The following ZNF596 variants were observed in gnomAD, a reference collection of about 807,000 sequenced individuals.
ZNF596 encodes the protein zinc finger protein 596.
A neutral mutation model predicts 48.3 loss-of-function variants in ZNF596; 45 were observed. The observed-to-expected ratio is 0.93, with a 90% CI of 0.73 to 1.19. ZNF596 has a LOEUF of 1.19. ZNF596 is among the 50% of genes most tolerant of loss of function. ZNF596 has a pLI of 0.00. For synonymous variants in ZNF596, 270 were observed against 202.0 expected (o/e 1.34, Z -2.85); for missense variants, 848 against 599.7 (o/e 1.41, Z -4.32).
chr8:238,842 T>C (rs1161694348), intron 1 of ZNF596, among the ~76,000 whole-genome samples: 1 of 151,874 alleles, frequency 6.6e-6, no homozygotes, highest in African/African-American at 2.4e-5. Flanking sequence ...TTTCTGATTT[T>C]CCTGATAAGA....
In ZNF596 at chr8:245,647, G is replaced by A. The variant is rs772481097; in HGVS notation, c.800G>A (p.Arg267Lys). Reference sequence around the variant, plus strand: ...GCCTTCAGTAAAAGTTCTAACCTTAGACGACATGAGATGATTCACACTAGA... The same window carrying A: ...GCCTTCAGTAAAAGTTCTAACCTTAAACGACATGAGATGATTCACACTAGA... ...GKAFSKSSNL[R>K]RHEMIHTREK... The change falls in exon 6 of 6, where the codon AGA becomes AAA. Residue 267 changes from arginine (R) to lysine (K), a missense_variant. Arg to Lys is a conservative substitution (Grantham distance 26). Transcript: ENST00000398612. 5 of 1,613,886 alleles carry A rather than the reference G, an allele frequency of 3.1e-6. No homozygotes were observed. The highest frequency in any genetic ancestry group is 1.3e-5 in the African/African-American group (1 of 74,934).
chr8:237,161 A>C (rs546543791), intron 1 of ZNF596: 32 of 152,180 alleles, frequency 2.1e-4, no homozygotes, highest in African/African-American at 7.2e-4. Context: ...TTAGATTTTA[A>C]ATTACTACTT....
In ZNF596 at chr8:245,548, A is replaced by G. The variant is rs781474108; in HGVS notation, c.701A>G (p.His234Arg). 1 of 1,614,126 alleles carries G rather than the reference A, an allele frequency of 6.2e-7. No homozygotes were observed. The highest frequency in any genetic ancestry group is 2.2e-5 in the East Asian group (1 of 44,868). Residue 234 changes from histidine (H) to arginine (R), a missense_variant, in exon 6 of 6, where the codon CAT (histidine) becomes CGT (arginine). By Grantham distance (29) the His-to-Arg change is conservative. Coordinates refer to ENST00000398612, the MANE Select transcript of ZNF596 (RefSeq NM_001042416.3). ...CATCTATGTGGGAAAGCCTTTACTC[A>G]TTGCTCTGATCTTCGAAAACATGAG... is the stretch of plus-strand genomic sequence containing the variant. ...GCHLCGKAFT[H>R]CSDLRKHERT...
chr8:243,660 G>A, intron 3 of ZNF596, 62 bp from the exon 4 acceptor site: 1 of 1,559,184 alleles, frequency 6.4e-7, no homozygotes, highest in Non-Finnish European at 8.8e-7. Context: ...CCCTGTATCT[G>A]ATAACCTTGT....
At position 244,624 on chromosome 8, in the gene ZNF596, G is replaced by C. The variant is rs753010723; in HGVS notation, c.229G>C (p.Glu77Gln). 6.2e-7 allele frequency: 1 copy of C among 1,606,274 alleles called. No individual in the cohort carries two copies. The highest frequency in any genetic ancestry group is 8.5e-7 in the Non-Finnish European group (1 of 1,175,620). Residue 77 changes from glutamate to glutamine, a missense_variant, in exon 5 of 6, where the codon GAA (glutamate) becomes CAA (glutamine). Transcript: ENST00000398612. ...TQRISLLQGR[E>Q]VGIKHQEIPF... ...TTTTTTTTCATTTATTTCAGGTAGAGAAGTTGGCATTAAACATCAAGAGAT... is the reference window on the plus strand; with the variant it reads ...TTTTTTTTCATTTATTTCAGGTAGACAAGTTGGCATTAAACATCAAGAGAT...
At chr8:233,285 G>C (rs1222631539) in intron 1 of ZNF596, 1 of 344,256 alleles carries the variant, frequency 2.9e-6, no homozygotes, top group East Asian at 8.3e-5. Flanking sequence ...CAGTAGCAGA[G>C]AGGGCAGCAG....
In ZNF596 at chr8:244,643, A is replaced by C. The variant is rs1006665838; in HGVS notation, c.248A>C (p.Gln83Pro). Reference protein sequence around the residue: ...LQGREVGIKHQEIPFIQHIYQ... With the variant: ...LQGREVGIKHPEIPFIQHIYQ... ...GGTAGAGAAGTTGGCATTAAACATC[A>C]AGAGATACCATTCATTCAACATATC... The change falls in exon 5 of 6, where the codon CAA becomes CCA. Residue 83 changes from glutamine (Q) to proline (P), a missense_variant. Gln to Pro is a moderately conservative substitution (Grantham distance 76). Coordinates refer to ENST00000398612, the MANE Select transcript of ZNF596 (RefSeq NM_001042416.3). 9 of 1,613,094 alleles carry C rather than the reference A, an allele frequency of 5.6e-6. No individual in the cohort carries two copies. The highest frequency in any genetic ancestry group is 7.6e-6 in the Non-Finnish European group (9 of 1,179,624).
chr8:240,782 G>A (rs377515370), intron 1 of ZNF596, 42 bp from the exon 2 acceptor site: 2 of 1,323,812 alleles, frequency 1.5e-6, no homozygotes, highest in East Asian at 4.6e-5. Flanking sequence ...AGCAAAACTG[G>A]AGTGTCATGG....
rs1465042140 is a variant in ZNF596 at position 246,185 on chromosome 8, A to G, written c.1338A>G (p.Pro446=). 6.2e-7 allele frequency: 1 copy of G among 1,614,180 alleles called. No homozygotes were observed. Among genetic ancestry groups the G allele is most frequent in the East Asian group, 2.2e-5 (1 of 44,876 alleles). Residue 446 remains proline (P), a synonymous_variant, in exon 6 of 6, where the codon CCA becomes CCG. Transcript: ENST00000398612. ...RHERTHTGEK[P]YECNICGKAF... is the part of the protein sequence containing the mutation. ...AGAGAACTCACACTGGAGAGAAACC[A>G]TATGAATGCAATATATGTGGTAAAG...
chr8:245,408 G>T lies in ZNF596; in HGVS notation c.561G>T (p.Val187=), dbSNP rs1260976675. The T allele has an allele frequency of 1.9e-6, 3 of 1,614,046 alleles. No homozygotes were observed. In the African/African-American group the frequency reaches 4.0e-5, roughly 22 times the overall value. The stretch of plus-strand genomic sequence containing the variant: ...ACTCTGCCCTTAGACCACACAGTGT[G>T]ACTCACACTAGAGAGATAACATTGG... ...IQNSALRPHS[V]THTREITLEC... Residue 187 remains valine, a synonymous_variant, in exon 6 of 6, where the codon GTG becomes GTT. Transcript: ENST00000398612.
chr8:240,874 A>G lies in ZNF596; in HGVS notation c.-22A>G. The G allele has an allele frequency of 6.2e-7, 1 of 1,614,018 alleles. No homozygotes were observed. Among genetic ancestry groups the G allele is most frequent in the Non-Finnish European group, 8.5e-7 (1 of 1,179,966 alleles). On this transcript the variant is annotated 5_prime_UTR_variant, in exon 2 of 6. Transcript: ENST00000398612. ...TGTGAGTGAAAACCCAGAGGAATAC[A>G]TTTGGTGGCTGAGCTAGTACAATGC...
At chr8:238,539 A>G (rs1392980952) in intron 1 of ZNF596, among the ~76,000 whole-genome samples, 2 of 149,978 alleles carry the variant, frequency 1.3e-5, no homozygotes, top group Non-Finnish European at 2.9e-5. Flanking sequence ...GGTGGCTCAC[A>G]CTTGTAATCA....
intron 1 of ZNF596, chr8:233,055 G>A (rs1309111555): frequency 8.5e-6 from 4 of 468,462 alleles, no homozygotes; most frequent in Non-Finnish European, 1.8e-5. Context: ...TCGAGGTGGG[G>A]CAGGAGAGTG....
chr8:240,671 C>T, intron 1 of ZNF596, 153 bp from the exon 2 acceptor site: 1 of 570,372 alleles, frequency 1.8e-6, no homozygotes, highest in Non-Finnish European at 3.1e-6. Flanking sequence ...GTCATTTCTT[C>T]TGACCCTGGG....
chr8:232,457 G>C lies in ZNF596; in HGVS notation c.-310G>C, dbSNP rs1298667101. On this transcript the variant is annotated 5_prime_UTR_variant, in exon 1 of 6. Coordinates refer to ENST00000398612, the MANE Select transcript of ZNF596 (RefSeq NM_001042416.3). ...TTTTGTGGCCAAACCCAGCCACGCAGTTCCCTTCCTGCGGCGTCCTCCACA... is the reference window on the plus strand; with the variant it reads ...TTTTGTGGCCAAACCCAGCCACGCACTTCCCTTCCTGCGGCGTCCTCCACA... 4 of 276,222 alleles carry C rather than the reference G, an allele frequency of 1.4e-5. No individual in the cohort carries two copies. Among genetic ancestry groups the C allele is most frequent in the Admixed American group, 5.4e-5 (1 of 18,536 alleles). 17.1% of individuals were successfully genotyped at this position (276,222 alleles called of 1,614,324 possible).
In ZNF596 at chr8:243,723, C is replaced by A. The variant is rs756932215; in HGVS notation, c.141C>A (p.Gly47=). 6.2e-7 allele frequency: 1 copy of A among 1,613,214 alleles called. No homozygotes were observed. Among genetic ancestry groups the A allele is most frequent in the East Asian group, 2.2e-5 (1 of 44,846 alleles). Residue 47 remains glycine (G), a splice_region_variant and synonymous_variant, in exon 4 of 6, where the codon GGC becomes GGA. Transcript: ENST00000398612. The stretch of plus-strand genomic sequence containing the variant: ...CATGTATCTTTTTCCCCAAAACAGG[C>A]AAACAGCTCTGCAAATCAGTTGTGC... The part of the protein sequence containing the change: ...LENISHLVSI[G]KQLCKSVVLS...
rs368193559 is a variant in ZNF596, at chr8:245,439, C to G, written c.592C>G (p.Arg198Gly). The G allele has an allele frequency of 1.2e-6, 2 of 1,614,150 alleles. No individual in the cohort carries two copies. Among genetic ancestry groups the G allele is most frequent in the Admixed American group, 1.7e-5 (1 of 60,022 alleles). Residue 198 changes from arginine (R) to glycine (G), a missense_variant, in exon 6 of 6, where the codon CGT becomes GGT. Coordinates refer to ENST00000398612, the MANE Select transcript of ZNF596 (RefSeq NM_001042416.3). ...THTREITLEC[R>G]VCGKTFSKNS... is the part of the protein sequence containing the mutation. ...CACTAGAGAGATAACATTGGAATGT[C>G]GTGTGTGTGGGAAAACCTTTAGCAA...
intron 5 of ZNF596, 79 bp downstream of exon 5, chr8:244,780 CCTG>C: frequency 8.7e-7 from 1 of 1,155,592 alleles, no homozygotes; most frequent in South Asian, 1.4e-5. Context: ...GGTACAGGTA[CCTG>C]ACTGTACTTA....
intron 1 of ZNF596, chr8:233,594 G>A (rs537872323): frequency 7.4e-4 from 115 of 155,686 alleles, no homozygotes; most frequent in Middle Eastern, 6.6e-3. Context: ...AGTTTTCTTT[G>A]TGCTGTTTTC....
Sources: allele counts gnomAD v4.1 joint callset (sites outside exome capture counted in the v4.1 genomes callset), GRCh38; gene constraint gnomAD v4.1.1; transcripts MANE v1.5; gene names NCBI Gene and HGNC (gene_info 2026-07-23, HGNC 2026-07-21).